NCKAP1L: variants seen among roughly 807,000 people sequenced by gnomAD.
The protein encoded by NCKAP1L is nck-associated protein 1-like.
In NCKAP1L, 53 loss-of-function variants were observed where a neutral mutation model predicts 139.2. That is an observed-to-expected ratio of 0.38 (90% CI 0.31 to 0.48). The LOEUF is 0.48. Ranked by LOEUF, NCKAP1L falls within the 20% of genes least tolerant of loss-of-function variation. NCKAP1L has a pLI of 0.98. For missense variants in NCKAP1L, 1,151 were observed against 1,381.9 expected, an observed-to-expected ratio of 0.83 and a Z score of 2.65; for synonymous variants, 468 against 499.7, an observed-to-expected ratio of 0.94 and a Z score of 0.85.
intron 3 of NCKAP1L, among the ~76,000 whole-genome samples, chr12:54,503,231 T>A (rs1956814865): frequency 6.6e-6 from 1 of 152,110 alleles, no homozygotes; most frequent in Non-Finnish European, 1.5e-5. Flanking sequence ...TTGTTGATAG[T>A]TTTTGGGAGC....
chr12:54,535,325 A>C (rs1957106285), intron 27 of NCKAP1L, 128 bp downstream of exon 27: 4 of 652,682 alleles, frequency 6.1e-6, no homozygotes, highest in African/African-American at 1.8e-5. Flanking sequence ...GCTGGGAGTG[A>C]AGGAAGGACC....
chr12:54,505,652 A>T (rs943680748), intron 3 of NCKAP1L, among the ~76,000 whole-genome samples: 9 of 132,462 alleles, frequency 6.8e-5, no homozygotes, highest in Non-Finnish European at 1.4e-4. Context: ...TCAGTGATTC[A>T]GTACCCCGTC....
chr12:54,539,865 C>T (rs760741935), intron 30 of NCKAP1L, among the ~76,000 whole-genome samples: 1 of 152,198 alleles, frequency 6.6e-6, no homozygotes, highest in African/African-American at 2.4e-5. Flanking sequence ...CTGTGTTAAA[C>T]TTCTTCCTAC....
chr12:54,521,279 C>T (rs748888923), intron 18 of NCKAP1L, 41 bp downstream of exon 18: 23 of 1,607,530 alleles, frequency 1.4e-5, no homozygotes, highest in African/African-American at 5.3e-5. Context: ...CCTCTGCCAG[C>T]GCTCAGTGCC....
intron 20 of NCKAP1L, among the ~76,000 whole-genome samples, chr12:54,524,339 C>A (rs1360141588): frequency 1.3e-5 from 2 of 152,126 alleles, no homozygotes; most frequent in African/African-American, 2.4e-5. Context: ...ATGGTATTTA[C>A]CTTATTTATG....
chr12:54,517,686 G>A, intron 12 of NCKAP1L, 44 bp downstream of exon 12: 1 of 1,578,290 alleles, frequency 6.3e-7, no homozygotes, highest in South Asian at 1.1e-5. Flanking sequence ...TAGATGGACT[G>A]GGGACAGGGA....
intron 7 of NCKAP1L, chr12:54,510,409 C>T: frequency 2.5e-6 from 1 of 401,186 alleles, no homozygotes; most frequent in Non-Finnish European, 5.0e-6. Context: ...CTGCAGCCTC[C>T]ACCTCCTGGG....
At chr12:54,528,200 G>T in intron 21 of NCKAP1L, 47 bp from the exon 22 acceptor site, 1 of 1,600,028 alleles carries the variant, frequency 6.2e-7, no homozygotes, top group Non-Finnish European at 8.5e-7. Flanking sequence ...TGCTGGTAGG[G>T]AGAAGGGATT....
Position 54,528,257 on chromosome 12 carries a change from A to T in NCKAP1L, c.2386A>T (p.Ser796Cys). The change falls in exon 22 of 31, where the codon AGT becomes TGT. Residue 796 changes from serine (S) to cysteine (C), a missense_variant. Coordinates refer to ENST00000293373, the MANE Select transcript of NCKAP1L (RefSeq NM_005337.5). Reference sequence around the variant, plus strand: ...TGGCCAACCCTGTAGGTACCTGGAAAGTCTGCTTAGACAGGCAAGCAGTGG... The same window carrying T: ...TGGCCAACCCTGTAGGTACCTGGAATGTCTGCTTAGACAGGCAAGCAGTGG... The part of the protein sequence containing the change: ...TTLYTNWYLE[S>C]LLRQASSGTI... 6.2e-7 allele frequency: 1 copy of T among 1,613,798 alleles called. No individual in the cohort carries two copies. The highest frequency in any genetic ancestry group is 8.5e-7 in the Non-Finnish European group (1 of 1,179,804).
intron 18 of NCKAP1L, among the ~76,000 whole-genome samples, chr12:54,521,616 CTA>C (rs1956984080): frequency 6.6e-6 from 1 of 152,166 alleles, no homozygotes; most frequent in Non-Finnish European, 1.5e-5. Context: ...ATCTTTCTGT[CTA>C]TCTGCATCTT....
Position 54,537,366 on chromosome 12 carries a change from T to C in NCKAP1L, c.3183+313T>C, listed in dbSNP as rs1194246144. Among the ~76,000 whole-genome samples, 94 of 152,216 alleles carry C rather than the reference T, an allele frequency of 6.2e-4. 1 individual carries two copies. The highest frequency in any genetic ancestry group is 1.3e-4 in the Non-Finnish European group (9 of 68,042). ...AAGTGCCAAGATTTTGGGGCCACGG[T>C]ATTTTCATATATAAAACAGTGAGAT... On this transcript the variant is annotated intron_variant, in intron 29 of 30. Coordinates refer to ENST00000293373, the MANE Select transcript of NCKAP1L (RefSeq NM_005337.5).
chr12:54,532,008 A>T lies in NCKAP1L; in HGVS notation c.2782-162A>T, dbSNP rs113279522. ...CCTAGAAGATCCCTAGGAATAAATG[A>T]GCTTAGGAAACCTAGAGGCATAAGG... On this transcript the variant is annotated intron_variant, in intron 25 of 30. Transcript: ENST00000293373. Among the ~76,000 whole-genome samples the T allele has an allele frequency of 2.2e-3, 330 of 151,976 alleles. 3 individuals are homozygous for T. The highest frequency in any genetic ancestry group is 7.8e-3 in the African/African-American group (323 of 41,440).
intron 13 of NCKAP1L, among the ~76,000 whole-genome samples, chr12:54,518,329 G>A (rs1162516076): frequency 1.3e-5 from 2 of 150,902 alleles, no homozygotes; most frequent in Non-Finnish European, 2.9e-5. Flanking sequence ...GCGACAGAGC[G>A]AGACTCTGTC....
intron 30 of NCKAP1L, among the ~76,000 whole-genome samples, chr12:54,539,362 A>T (rs1957139650): frequency 6.6e-6 from 1 of 152,192 alleles, no homozygotes. Flanking sequence ...TACTATGAAA[A>T]GAGTGCTGGA....
At chr12:54,512,251 T>C in intron 9 of NCKAP1L, 146 bp downstream of exon 9, 1 of 800,142 alleles carries the variant, frequency 1.2e-6, no homozygotes, top group South Asian at 1.9e-5. Flanking sequence ...ATACCTACTA[T>C]TAGCTAAGTG....
chr12:54,517,757 T>C (rs776807629), intron 12 of NCKAP1L, 49 bp from the exon 13 acceptor site: 9 of 1,609,642 alleles, frequency 5.6e-6, no homozygotes, highest in South Asian at 1.1e-5. Flanking sequence ...TTTGTCTCAG[T>C]TCATATTTCT....
At chr12:54,516,715 G>A (rs934235321) in intron 10 of NCKAP1L, among the ~76,000 whole-genome samples, 181 bp from the exon 11 acceptor site, 1 of 152,244 alleles carries the variant, frequency 6.6e-6, no homozygotes, top group African/African-American at 2.4e-5. Context: ...CAACGTGCTG[G>A]AATTACAGGC....
chr12:54,521,097 C>T, intron 17 of NCKAP1L, 22 bp from the exon 18 acceptor site: 3 of 1,613,802 alleles, frequency 1.9e-6, no homozygotes, highest in Non-Finnish European at 2.5e-6. Context: ...ACAGTCTCTT[C>T]TTTGGTCCCT....
intron 30 of NCKAP1L, among the ~76,000 whole-genome samples, chr12:54,540,666 T>C (rs1957150547): frequency 6.6e-6 from 1 of 152,248 alleles, no homozygotes; most frequent in South Asian, 2.1e-4. Context: ...CAGCTCATTT[T>C]AGGTTCTGGA....
Sources: gnomAD v4.1 joint callset for allele counts (sites outside exome capture counted in the v4.1 genomes callset) on GRCh38, gnomAD v4.1.1 for gene constraint, MANE v1.5 for transcripts, NCBI Gene and HGNC (gene_info 2026-07-23, HGNC 2026-07-21) for gene names.